The following HERC2 variants were observed in gnomAD, a reference collection of about 807,000 sequenced individuals.
The protein encoded by HERC2 is HECT and RLD domain containing E3 ubiquitin protein ligase 2, also known as E3 ubiquitin-protein ligase HERC2.
HERC2 carries 102 observed loss-of-function variants against 537.7 expected under a neutral mutation model. The ratio of observed to expected loss-of-function variants is 0.19; its 90% CI spans 0.16 to 0.22. The LOEUF (loss-of-function observed/expected upper bound fraction) is 0.22. Ranked by LOEUF, HERC2 falls within the 10% of genes least tolerant of loss-of-function variation. HERC2 has a pLI of 1.00. For synonymous variants in HERC2, 2,224 were observed against 2,466.2 expected (o/e 0.90, Z 2.91); for missense variants, 4,236 against 6,198.2 (o/e 0.68, Z 10.63).
chr15:28,133,962 T>C (rs113023122), intron 79 of HERC2, among the ~76,000 whole-genome samples: 12 of 152,224 alleles, frequency 7.9e-5, no homozygotes, highest in African/African-American at 2.2e-4. Flanking sequence ...GATTTGACTA[T>C]TCTAGGCCAT....
At chr15:28,198,902 C>T (rs531802613) in intron 48 of HERC2, 133 bp from the exon 49 acceptor site, 48 of 815,494 alleles carry the variant, frequency 5.9e-5, no homozygotes, top group Middle Eastern at 2.4e-4. Flanking sequence ...AATCCTAGCA[C>T]TTTGGGAGGC....
At chr15:28,148,519 C>T (rs1347436563) in intron 70 of HERC2, among the ~76,000 whole-genome samples, 1 of 152,148 alleles carries the variant, frequency 6.6e-6, no homozygotes, top group Non-Finnish European at 1.5e-5. Flanking sequence ...GAACGTCCTG[C>T]AAAACAGACT....
In HERC2 at chr15:28,256,315, C is replaced by A. The variant is rs770791450; in HGVS notation, c.2520G>T (p.Leu840Phe). 3.2e-6 allele frequency: 5 copies of A among 1,586,720 alleles called. No homozygotes were observed. In the South Asian group the frequency reaches 3.4e-5, roughly 11 times the overall value. ...CAACCTGGTGACTAATGGCAGCATG[C>A]AACTGAAAGGAGAAAAACAATTTTC... ...VATLNLLRLQLHAAISHQVDP... is the reference protein window; with the variant it reads ...VATLNLLRLQFHAAISHQVDP... Residue 840 changes from leucine (L) to phenylalanine (F), a missense_variant and splice_region_variant, in exon 18 of 93, where the codon TTG becomes TTT. Leu to Phe is a conservative substitution (Grantham distance 22). This residue lies in a region of HERC2 where 754 missense variants were observed against 1,085.0 expected (regional missense o/e 0.69). Transcript: ENST00000261609.
rs1325737036 is a variant in HERC2 at position 28,265,139 on chromosome 15, T to C, written c.1870+479A>G. Among the ~76,000 whole-genome samples, 1 of 152,012 alleles carries C rather than the reference T, an allele frequency of 6.6e-6. No individual in the cohort carries two copies. Among genetic ancestry groups the C allele is most frequent in the Non-Finnish European group, 1.5e-5 (1 of 68,028 alleles). The stretch of plus-strand genomic sequence containing the variant: ...ACTGAAAGACGAGTCATTTCTAAAA[T>C]ATTAACATGACTTTAACCATCAAAC... On this transcript the variant is annotated intron_variant, in intron 14 of 92. Transcript: ENST00000261609. This position sits in a 1 kb window ranked among gnomAD's most constrained non-coding sequence, Gnocchi z 4.0.
intron 69 of HERC2, among the ~76,000 whole-genome samples, chr15:28,161,012 T>A (rs1893540846): frequency 6.6e-6 from 1 of 152,222 alleles, no homozygotes; most frequent in African/African-American, 2.4e-5. Flanking sequence ...TTATGCCAAG[T>A]AACTTGTCTC....
chr15:28,259,388 T>A (rs1375451572), intron 16 of HERC2, among the ~76,000 whole-genome samples: 1 of 152,034 alleles, frequency 6.6e-6, no homozygotes, highest in Non-Finnish European at 1.5e-5. Context: ...AGCCACTGTG[T>A]CTGGCGTAAA....
chr15:28,310,421 G>A (rs1287142011), intron 2 of HERC2, among the ~76,000 whole-genome samples: 1 of 151,558 alleles, frequency 6.6e-6, no homozygotes, highest in Non-Finnish European at 1.5e-5. Context: ...CTCCAGCCTG[G>A]GCAATAGAGC....
chr15:28,278,399 A>T (rs1352795589), intron 5 of HERC2, among the ~76,000 whole-genome samples: 1 of 152,114 alleles, frequency 6.6e-6, no homozygotes, highest in Non-Finnish European at 1.5e-5. Flanking sequence ...AAAAAAAATC[A>T]TCTCTAGATT....
chr15:28,214,054 A>G, intron 41 of HERC2, 22 bp downstream of exon 41: 3 of 1,613,084 alleles, frequency 1.9e-6, no homozygotes, highest in Non-Finnish European at 2.5e-6. Flanking sequence ...GAACTAAATT[A>G]ATTCTGAGAA....
intron 9 of HERC2, 107 bp downstream of exon 9, chr15:28,272,108 C>T: frequency 1.9e-6 from 2 of 1,032,990 alleles, no homozygotes; most frequent in Non-Finnish European, 2.8e-6. Context: ...CCACCAAACA[C>T]ACACACGCCA....
Position 28,221,999 on chromosome 15 carries a change from T to A in HERC2, c.5652+29A>T. On this transcript the variant is annotated intron_variant, in intron 36 of 92. Coordinates refer to ENST00000261609, the MANE Select transcript of HERC2 (RefSeq NM_004667.6). ...GTGCAGAAGATAACTAATGTGTGGC[T>A]AATGTGTTCACATCAAATCTCTGAG... is the stretch of plus-strand genomic sequence containing the variant. The A allele has an allele frequency of 2.8e-6, 3 of 1,053,204 alleles. 1 individual carries two copies. Among genetic ancestry groups the A allele is most frequent in the Non-Finnish European group, 4.5e-6 (3 of 667,718 alleles). The allele number at this position is 1,053,204 out of a possible 1,614,324, so 65.2% of individuals were successfully genotyped here. A position where few individuals can be genotyped will look rare whatever the true frequency, so the allele number is the denominator to read the frequency against.
At chr15:28,163,922 A>G (rs1471834922) in intron 68 of HERC2, among the ~76,000 whole-genome samples, 7 of 152,144 alleles carry the variant, frequency 4.6e-5, no homozygotes, top group African/African-American at 1.7e-4. Flanking sequence ...AATTCCCAGC[A>G]TCACTGCACC....
chr15:28,193,749 G>A (rs902929006), intron 52 of HERC2, among the ~76,000 whole-genome samples: 16 of 152,070 alleles, frequency 1.1e-4, no homozygotes, highest in Non-Finnish European at 1.9e-4. Flanking sequence ...CCAACTTCAG[G>A]AGAAATAATA....
intron 2 of HERC2, among the ~76,000 whole-genome samples, chr15:28,313,772 CG>C (rs1464321212): frequency 2.6e-5 from 4 of 152,136 alleles, no homozygotes; most frequent in Non-Finnish European, 5.9e-5. Flanking sequence ...TTAAGTACGT[CG>C]ATTTGAAGAC....
At chr15:28,260,633 G>A (rs921595985) in intron 16 of HERC2, 144 bp downstream of exon 16, 87 of 656,892 alleles carry the variant, frequency 1.3e-4, no homozygotes, top group South Asian at 3.5e-4. Context: ...GGAAACTACA[G>A]TGAAGCTCAT....
At chr15:28,304,836 A>C in intron 2 of HERC2, among the ~76,000 whole-genome samples, 2 of 125,712 alleles carry the variant, frequency 1.6e-5, no homozygotes, top group Non-Finnish European at 1.7e-5. Context: ...CATTAGGTAT[A>C]TCTCCCAATG....
In HERC2 at chr15:28,299,370, C is replaced by A. The variant is rs746376047; in HGVS notation, c.187+32G>T. ...AAAATGCATTTTATAATGGTCTTTA[C>A]CAAATAAAAAACACTAGTTAAAGGC... is the stretch of plus-strand genomic sequence containing the variant. On this transcript the variant is annotated intron_variant, in intron 3 of 92. Coordinates refer to ENST00000261609, the MANE Select transcript of HERC2 (RefSeq NM_004667.6). 14 of 892,326 alleles carry A rather than the reference C, an allele frequency of 1.6e-5. No homozygotes were observed. In the South Asian group the frequency reaches 1.7e-4, roughly 11 times the overall value. 55.3% of individuals were successfully genotyped at this position (892,326 alleles called of 1,614,324 possible). A position where few individuals can be genotyped will look rare whatever the true frequency, so the allele number is the denominator to read the frequency against.
rs536047047 is a variant in HERC2 at position 28,191,382 on chromosome 15, C to T, written c.8452-138G>A. On this transcript the variant is annotated intron_variant, in intron 53 of 92. Transcript: ENST00000261609. ...TGTAGCATGAGAGAGAATTTTCCCT[C>T]AACCTGGCAGCAACAAGAATATTCT... 27 of 627,182 alleles carry T rather than the reference C, an allele frequency of 4.3e-5. No individual in the cohort carries two copies. In the East Asian group the frequency reaches 6.8e-4, roughly 16 times the overall value. The allele number at this position is 627,182 out of a possible 1,614,324, so 38.9% of individuals were successfully genotyped here. A position where few individuals can be genotyped will look rare whatever the true frequency, so the allele number is the denominator to read the frequency against.
chr15:28,258,191 C>T (rs1303665017), intron 16 of HERC2, among the ~76,000 whole-genome samples: 1 of 151,990 alleles, frequency 6.6e-6, no homozygotes, highest in Non-Finnish European at 1.5e-5. Context: ...TGGGTCAGGC[C>T]GGGCGCAGTG....
Sources: allele counts gnomAD v4.1 joint callset (sites outside exome capture counted in the v4.1 genomes callset), GRCh38; gene constraint gnomAD v4.1.1; regional missense constraint gnomAD v4.1.1; non-coding constraint Gnocchi (gnomAD v3.1); transcripts MANE v1.5; gene names NCBI Gene and HGNC (gene_info 2026-07-23, HGNC 2026-07-21).